EBF1: variants seen among roughly 807,000 people sequenced by gnomAD.
The protein encoded by EBF1 is EBF transcription factor 1, also known as transcription factor COE1.
A neutral mutation model predicts 68.4 loss-of-function variants in EBF1; 10 were observed. The observed-to-expected ratio is 0.15, with a 90% CI of 0.09 to 0.25. The LOEUF (loss-of-function observed/expected upper bound fraction) is 0.25. Among genes scored for constraint, EBF1 ranks in the 10% least tolerant of loss-of-function variants. EBF1 has a pLI of 1.00. For missense variants in EBF1, 509 were observed against 794.4 expected, an observed-to-expected ratio of 0.64 and a Z score of 4.32; for synonymous variants, 298 against 299.8, an observed-to-expected ratio of 0.99 and a Z score of 0.06.
chr5:158,828,322 G>C (rs1283984658), intron 7 of EBF1, among the ~76,000 whole-genome samples: 1 of 152,140 alleles, frequency 6.6e-6, no homozygotes. Context: ...CTGATCTCCA[G>C]TACCTTAGAA....
At chr5:158,845,380 A>C (rs192738984) in intron 6 of EBF1, among the ~76,000 whole-genome samples, 1 of 152,170 alleles carries the variant, frequency 6.6e-6, no homozygotes, top group Non-Finnish European at 1.5e-5. Flanking sequence ...TAATTGGGTG[A>C]CTTTAGATAA....
At position 159,004,473 on chromosome 5, in the gene EBF1, G is replaced by A. The variant is rs370734154; in HGVS notation, c.554+68923C>T. On this transcript the variant is annotated intron_variant, in intron 6 of 15. Coordinates refer to ENST00000313708, the MANE Select transcript of EBF1 (RefSeq NM_024007.5). Reference sequence around the variant, plus strand: ...CTTACAGGACCTGGGACCAGAATTCGGGTCTTTCCAGAACACTATCATTTT... The same window carrying A: ...CTTACAGGACCTGGGACCAGAATTCAGGTCTTTCCAGAACACTATCATTTT... Among the ~76,000 whole-genome samples the A allele has an allele frequency of 2.3e-3, 357 of 152,086 alleles. 2 individuals carry two copies. Among genetic ancestry groups the A allele is most frequent in the African/African-American group, 7.5e-3 (311 of 41,478 alleles).
intron 6 of EBF1, among the ~76,000 whole-genome samples, chr5:158,865,028 C>A (rs923131690): frequency 6.6e-6 from 1 of 152,254 alleles, no homozygotes; most frequent in South Asian, 2.1e-4. Context: ...GTTTTGAGCT[C>A]GGGTTCAGAT....
chr5:159,090,091 T>C (rs1268395752), intron 4 of EBF1, among the ~76,000 whole-genome samples: 1 of 151,972 alleles, frequency 6.6e-6, no homozygotes, highest in Non-Finnish European at 1.5e-5. Flanking sequence ...TAACCAAAAG[T>C]GAAATGTCTT....
At chr5:158,870,051 C>A (rs536754114) in intron 6 of EBF1, among the ~76,000 whole-genome samples, 13 of 152,296 alleles carry the variant, frequency 8.5e-5, no homozygotes, top group African/African-American at 3.1e-4. Context: ...ACAAGCAGTG[C>A]ACTTCATGCC....
At chr5:158,942,199 C>T (rs993450339) in intron 6 of EBF1, among the ~76,000 whole-genome samples, 1 of 152,108 alleles carries the variant, frequency 6.6e-6, no homozygotes, top group Non-Finnish European at 1.5e-5. Context: ...CATTGTGAAG[C>T]AGTGTCCTAA....
At chr5:159,072,021 C>A (rs1394131293) in intron 6 of EBF1, among the ~76,000 whole-genome samples, 1 of 152,178 alleles carries the variant, frequency 6.6e-6, no homozygotes, top group Non-Finnish European at 1.5e-5. Flanking sequence ...TGTTCAATCA[C>A]AGAAAAAGCA....
intron 4 of EBF1, among the ~76,000 whole-genome samples, chr5:159,091,074 A>G (rs1328493316): frequency 6.6e-6 from 1 of 152,230 alleles, no homozygotes; most frequent in Non-Finnish European, 1.5e-5. Context: ...TCAGCAATAT[A>G]AGACAGAGAG....
intron 6 of EBF1, among the ~76,000 whole-genome samples, chr5:159,041,792 G>A (rs969163600): frequency 6.6e-6 from 1 of 152,070 alleles, no homozygotes; most frequent in Non-Finnish European, 1.5e-5. Context: ...TTTTAAAGAC[G>A]CCTCCTAGAA....
chr5:158,799,834 G>A (rs1036152140), intron 8 of EBF1, among the ~76,000 whole-genome samples: 1 of 152,186 alleles, frequency 6.6e-6, no homozygotes, highest in Non-Finnish European at 1.5e-5. Flanking sequence ...AAGAAGCCAG[G>A]AAGCCACATT....
At chr5:159,038,732 A>C (rs1039627197) in intron 6 of EBF1, among the ~76,000 whole-genome samples, 1 of 152,250 alleles carries the variant, frequency 6.6e-6, no homozygotes, top group African/African-American at 2.4e-5. Flanking sequence ...ACTATCAACA[A>C]CACTTTGAAA....
At chr5:158,771,278 A>G (rs77056829) in intron 10 of EBF1, among the ~76,000 whole-genome samples, 1 of 152,166 alleles carries the variant, frequency 6.6e-6, no homozygotes, top group Non-Finnish European at 1.5e-5. Flanking sequence ...ATTGCATTAC[A>G]TACATTAACC....
chr5:158,875,073 A>G (rs923902660), intron 6 of EBF1, among the ~76,000 whole-genome samples: 71 of 151,554 alleles, frequency 4.7e-4, no homozygotes, highest in African/African-American at 1.7e-3. Context: ...ACACACACAC[A>G]CACACACACA....
intron 6 of EBF1, among the ~76,000 whole-genome samples, chr5:158,865,970 A>C (rs1001004611): frequency 6.6e-6 from 1 of 152,234 alleles, no homozygotes; most frequent in Non-Finnish European, 1.5e-5. Flanking sequence ...AGAAAGGAGG[A>C]AGTGAGTTAG....
chr5:158,815,680 T>G (rs1056382030), intron 8 of EBF1, among the ~76,000 whole-genome samples: 3 of 152,214 alleles, frequency 2.0e-5, no homozygotes, highest in African/African-American at 7.2e-5. Flanking sequence ...ATAGATCACC[T>G]GCTCATGAAC....
intron 5 of EBF1, among the ~76,000 whole-genome samples, chr5:159,081,851 T>C (rs1779790350): frequency 6.6e-6 from 1 of 152,244 alleles, no homozygotes. Flanking sequence ...GGCCGTATTA[T>C]TTTAAGAGCG....
At chr5:158,756,234 G>T (rs552841032) in intron 10 of EBF1, among the ~76,000 whole-genome samples, 2 of 151,824 alleles carry the variant, frequency 1.3e-5, no homozygotes, top group Non-Finnish European at 2.9e-5. Flanking sequence ...GAGATGAAGC[G>T]TTTTGGCTGC....
At chr5:159,084,613 G>A in intron 5 of EBF1, 53 bp downstream of exon 5, 2 of 1,388,814 alleles carry the variant, frequency 1.4e-6, no homozygotes, top group Admixed American at 2.4e-5. Context: ...GATTTGAAAT[G>A]CAAATTCATC....
chr5:158,815,407 A>G (rs1160012436), intron 8 of EBF1, among the ~76,000 whole-genome samples: 1 of 152,190 alleles, frequency 6.6e-6, no homozygotes, highest in African/African-American at 2.4e-5. Flanking sequence ...TAAAATGGTG[A>G]TAATAATTAT....
Sources: allele counts gnomAD v4.1 joint callset (sites outside exome capture counted in the v4.1 genomes callset), GRCh38; gene constraint gnomAD v4.1.1; transcripts MANE v1.5; gene names NCBI Gene and HGNC (gene_info 2026-07-23, HGNC 2026-07-21).